ASB3: variants seen among roughly 807,000 people sequenced by gnomAD.
ASB3 encodes ankyrin repeat and SOCS box containing 3, also known as ankyrin repeat and SOCS box protein 3.
In ASB3, 41 loss-of-function variants were observed where a neutral mutation model predicts 54.5. The observed-to-expected ratio is 0.75, with a 90% confidence interval of 0.59 to 0.98. The LOEUF is 0.98. Ranked by LOEUF, ASB3 falls within the 50% of genes least tolerant of loss-of-function variation. The pLI is 0.00. For missense variants in ASB3, 733 were observed against 620.0 expected (o/e 1.18, Z -1.94); for synonymous variants, 266 against 221.2 (o/e 1.20, Z -1.80).
At chr2:53,751,968 T>G (rs763850398) in intron 2 of ASB3, among the ~76,000 whole-genome samples, 1 of 152,132 alleles carries the variant, frequency 6.6e-6, no homozygotes, top group Non-Finnish European at 1.5e-5. Flanking sequence ...AGTAGTTTAT[T>G]GAGATTAGTC....
At chr2:53,746,686 G>T (rs543109536) in intron 3 of ASB3, among the ~76,000 whole-genome samples, 1 of 152,078 alleles carries the variant, frequency 6.6e-6, no homozygotes, top group African/African-American at 2.4e-5. Flanking sequence ...CACCATGTTA[G>T]CCAGGCTGGT....
chr2:53,671,926 A>G (rs1463575696), intron 9 of ASB3, among the ~76,000 whole-genome samples: 1 of 152,234 alleles, frequency 6.6e-6, no homozygotes, highest in Non-Finnish European at 1.5e-5. Context: ...TGAACAGACC[A>G]GGATCAGAGC....
chr2:53,701,501 G>A (rs13408425), intron 7 of ASB3, among the ~76,000 whole-genome samples: 10,595 of 152,000 alleles, frequency 0.07, 383 homozygotes, highest in African/African-American at 0.093. Context: ...TATGAAAACT[G>A]AACACTTCAT....
intron 2 of ASB3, among the ~76,000 whole-genome samples, chr2:53,762,663 A>C (rs569639672): frequency 1.3e-5 from 2 of 152,352 alleles, no homozygotes; most frequent in Admixed American, 1.3e-4. Flanking sequence ...ATTAATTGTC[A>C]GTGAAGATCA....
At chr2:53,770,593 T>C (rs911371285) in intron 1 of ASB3, among the ~76,000 whole-genome samples, 2 of 150,942 alleles carry the variant, frequency 1.3e-5, no homozygotes, top group Admixed American at 6.6e-5. Context: ...GGACTTTCTC[T>C]AAGGCTTTCC....
Position 53,670,355 on chromosome 2 carries a change from T to C in ASB3, c.*148A>G. 1 of 580,458 alleles carries C rather than the reference T, an allele frequency of 1.7e-6. No homozygotes were observed. The highest frequency in any genetic ancestry group is 4.1e-5 in the East Asian group (1 of 24,238). 36.0% of individuals were successfully genotyped at this position (580,458 alleles called of 1,614,324 possible). ...TAGTTGTAAACATAAACATTCTCAC[T>C]GAACTACTGGCCCCCCAAAACCTAA... On this transcript the variant is annotated 3_prime_UTR_variant, in exon 10 of 10. Coordinates refer to ENST00000263634, the MANE Select transcript of ASB3 (RefSeq NM_016115.5).
chr2:53,742,781 T>C (rs578233967), intron 3 of ASB3, among the ~76,000 whole-genome samples: 2 of 135,280 alleles, frequency 1.5e-5, no homozygotes, highest in South Asian at 2.4e-4. Context: ...GAAAGAAAAA[T>C]AGAGAAAAAA....
At chr2:53,771,310 T>C (rs942337617) in intron 1 of ASB3, among the ~76,000 whole-genome samples, 1 of 151,886 alleles carries the variant, frequency 6.6e-6, no homozygotes, top group Non-Finnish European at 1.5e-5. Flanking sequence ...AGGTCAGGAG[T>C]TCCATACCAG....
intron 6 of ASB3, among the ~76,000 whole-genome samples, chr2:53,715,266 G>T (rs899242680): frequency 5.3e-5 from 8 of 152,114 alleles, no homozygotes; most frequent in Non-Finnish European, 1.2e-4. Context: ...AAGAAAAAAG[G>T]ACTATTCTAC....
chr2:53,716,862 T>C (rs1670425835), intron 5 of ASB3, 119 bp from the exon 6 acceptor site: 1 of 1,115,792 alleles, frequency 9.0e-7, no homozygotes, highest in African/African-American at 1.6e-5. Flanking sequence ...CCCTCTTCAC[T>C]GAATGTTGGA....
intron 7 of ASB3, among the ~76,000 whole-genome samples, chr2:53,701,706 C>T (rs1340075177): frequency 6.6e-6 from 1 of 152,146 alleles, no homozygotes; most frequent in Non-Finnish European, 1.5e-5. Context: ...GTGTTAGTTA[C>T]ATTTCCAAAT....
intron 3 of ASB3, among the ~76,000 whole-genome samples, chr2:53,739,720 C>T (rs1016039515): frequency 2.6e-5 from 4 of 152,098 alleles, no homozygotes; most frequent in Admixed American, 6.5e-5. Flanking sequence ...CTGTTACCCA[C>T]GATGGAGGAC....
At chr2:53,702,167 G>A (rs959730620) in intron 7 of ASB3, among the ~76,000 whole-genome samples, 2 of 152,136 alleles carry the variant, frequency 1.3e-5, no homozygotes, top group African/African-American at 4.8e-5. Flanking sequence ...GAAGGGGCAA[G>A]AGTAAATCCC....
At chr2:53,737,804 C>G (rs1671727217) in intron 3 of ASB3, among the ~76,000 whole-genome samples, 1 of 149,408 alleles carries the variant, frequency 6.7e-6, no homozygotes, top group Non-Finnish European at 1.5e-5. Context: ...CTTTGAATAT[C>G]TAAAATATTC....
chr2:53,759,724 C>T (rs1304367135), intron 2 of ASB3, among the ~76,000 whole-genome samples: 2 of 152,088 alleles, frequency 1.3e-5, no homozygotes, highest in Non-Finnish European at 2.9e-5. Flanking sequence ...AAAGATTGTC[C>T]GAATAGAAAT....
At chr2:53,688,602 T>C (rs892254803) in intron 9 of ASB3, among the ~76,000 whole-genome samples, 3 of 152,138 alleles carry the variant, frequency 2.0e-5, no homozygotes, top group African/African-American at 4.8e-5. Context: ...CTTCTTATAA[T>C]TGAGGAAACC....
chr2:53,671,013 C>A (rs935588014), intron 9 of ASB3, among the ~76,000 whole-genome samples: 1 of 152,156 alleles, frequency 6.6e-6, no homozygotes, highest in Non-Finnish European at 1.5e-5. Flanking sequence ...GGTGGAAGCT[C>A]ACAATAGCAA....
At chr2:53,711,388 A>T (rs963578010) in intron 7 of ASB3, among the ~76,000 whole-genome samples, 13 of 152,108 alleles carry the variant, frequency 8.5e-5, no homozygotes, top group Non-Finnish European at 7.4e-5. Flanking sequence ...TGCTCTCTAT[A>T]TTAAACAACT....
intron 1 of ASB3, among the ~76,000 whole-genome samples, chr2:53,773,638 C>T (rs1328090980): frequency 6.6e-6 from 1 of 151,816 alleles, no homozygotes; most frequent in African/African-American, 2.4e-5. Flanking sequence ...ACCATCTTGG[C>T]CAGGCTGGTC....
Sources: allele counts gnomAD v4.1 joint callset (sites outside exome capture counted in the v4.1 genomes callset), GRCh38; gene constraint gnomAD v4.1.1; transcripts MANE v1.5; gene names NCBI Gene and HGNC (gene_info 2026-07-23, HGNC 2026-07-21).